DPP6: variants seen among roughly 807,000 people sequenced by gnomAD.
The protein encoded by DPP6 is A-type potassium channel modulatory protein DPP6.
In DPP6, 69 loss-of-function variants were observed where a neutral mutation model predicts 122.6. That is an observed-to-expected ratio of 0.56 (90% CI 0.46 to 0.69). DPP6 has a LOEUF of 0.69. DPP6 is among the 30% of genes least tolerant of loss of function. The pLI, the probability that DPP6 is intolerant of heterozygous loss-of-function variation, is 0.00. For synonymous variants in DPP6, 418 were observed against 433.1 expected (o/e 0.97, Z 0.43); for missense variants, 928 against 1,116.9 (o/e 0.83, Z 2.41).
At chr7:153,866,884 C>T in the DPP6 span, among the ~76,000 whole-genome samples, 3 of 152,002 alleles carry the variant, frequency 2.0e-5, no homozygotes, top group Non-Finnish European at 2.9e-5. Context: ...CCAGTTTTCC[C>T]AGCACCATTT....
At chr7:154,668,788 A>G (rs35921931) in intron 6 of DPP6, among the ~76,000 whole-genome samples, 50,959 of 151,952 alleles carry the variant, frequency 0.34, 9,128 homozygotes, top group East Asian at 0.44. Flanking sequence ...TTGTGGTGGT[A>G]TTGGTATTTA....
intron 17 of DPP6, among the ~76,000 whole-genome samples, chr7:154,859,421 G>A (rs1449059222): frequency 1.3e-5 from 2 of 152,214 alleles, no homozygotes; most frequent in South Asian, 2.1e-4. Context: ...GCAGAGCCTC[G>A]GCACTGTGCG....
At chr7:154,286,794 A>G (rs943837746) in intron 1 of DPP6, among the ~76,000 whole-genome samples, 6 of 146,792 alleles carry the variant, frequency 4.1e-5, no homozygotes, top group Non-Finnish European at 7.5e-5. Context: ...TCCCATGCCT[A>G]TGATTTCTTC....
intron 5 of DPP6, among the ~76,000 whole-genome samples, chr7:154,575,950 T>C (rs1486156458): frequency 1.3e-5 from 2 of 152,032 alleles, no homozygotes; most frequent in Non-Finnish European, 2.9e-5. Flanking sequence ...ATGTGAAATA[T>C]TTATTTGTCT....
At chr7:153,887,743 C>T (rs1284876003) in intron 1 of DPP6, 73 of 1,613,006 alleles carry the variant, frequency 4.5e-5, no homozygotes, top group Non-Finnish European at 5.9e-5. Flanking sequence ...TGGTGAGTGC[C>T]ACGGACAGGG....
chr7:154,396,706 G>A (rs974915963), intron 1 of DPP6, among the ~76,000 whole-genome samples: 1 of 152,242 alleles, frequency 6.6e-6, no homozygotes, highest in Non-Finnish European at 1.5e-5. Context: ...CACTTTGGGA[G>A]GCCAAGGTGG....
At chr7:153,882,404 G>A (rs1355158366), upstream of DPP6, among the ~76,000 whole-genome samples, 2 of 152,190 alleles carry the variant, frequency 1.3e-5, no homozygotes, top group Non-Finnish European at 2.9e-5. Context: ...GTTGCCTTAT[G>A]TTGGGGTTCC....
intron 1 of DPP6, among the ~76,000 whole-genome samples, chr7:154,180,177 G>A (rs912146723): frequency 2.0e-5 from 3 of 151,652 alleles, no homozygotes; most frequent in Non-Finnish European, 4.4e-5. Flanking sequence ...GTGAAACCTC[G>A]TCTCTACTAA....
At chr7:153,856,441 C>A in the DPP6 span, among the ~76,000 whole-genome samples, 29 of 152,286 alleles carry the variant, frequency 1.9e-4, no homozygotes, top group Middle Eastern at 3.4e-3. Flanking sequence ...TTCAGAGGTT[C>A]TTCCTCTGCC....
At chr7:153,755,627 T>C in the DPP6 span, among the ~76,000 whole-genome samples, 1 of 152,108 alleles carries the variant, frequency 6.6e-6, no homozygotes, top group Non-Finnish European at 1.5e-5. Flanking sequence ...CCTTCCCCCT[T>C]CTGGGGCATT....
intron 7 of DPP6, among the ~76,000 whole-genome samples, chr7:154,704,922 G>A (rs1840741512): frequency 6.6e-6 from 1 of 152,124 alleles, no homozygotes; most frequent in South Asian, 2.1e-4. Context: ...TTATCTTTGA[G>A]ATAGAGTCTT....
chr7:154,403,160 G>A lies in DPP6; in HGVS notation c.244-43054G>A, dbSNP rs367583103. ...TGTCTCTTTTCTTTGTGGTTCTAAC[G>A]TGTCACCCACGTTAGTTCCCTGGAC... is the stretch of plus-strand genomic sequence containing the variant. On this transcript the variant is annotated intron_variant, in intron 1 of 25. Transcript: ENST00000377770. The surrounding 1 kb of genome is among the most constrained non-coding windows in gnomAD (Gnocchi z 4.1). Among the ~76,000 whole-genome samples the A allele has an allele frequency of 1.3e-5, 2 of 152,194 alleles. No individual in the cohort carries two copies. The highest frequency in any genetic ancestry group is 6.5e-5 in the Admixed American group (1 of 15,278).
intron 2 of DPP6, among the ~76,000 whole-genome samples, chr7:154,455,431 G>A (rs75335744): frequency 0.05 from 7,563 of 152,196 alleles, 404 homozygotes; most frequent in African/African-American, 0.12. Context: ...CTTGAGGAAT[G>A]TGGTCTACAT....
intron 19 of DPP6, among the ~76,000 whole-genome samples, chr7:154,872,906 G>A (rs1338157293): frequency 2.0e-5 from 3 of 152,206 alleles, no homozygotes; most frequent in Non-Finnish European, 2.9e-5. Flanking sequence ...TGTACCCACC[G>A]CCTCTCCCCA....
At chr7:154,489,838 T>TTC (rs1824120546) in intron 3 of DPP6, among the ~76,000 whole-genome samples, 1 of 152,128 alleles carries the variant, frequency 6.6e-6, no homozygotes, top group African/African-American at 2.4e-5. Context: ...TCAGGTACCT[T>TTC]TCTCAAGGAT....
At chr7:153,814,015 TGTTTA>T in the DPP6 span, among the ~76,000 whole-genome samples, 6,843 of 152,146 alleles carry the variant, frequency 0.045, 531 homozygotes, top group African/African-American at 0.16. Context: ...GTGCAGAAGC[TGTTTA>T]GTTTAATTAG....
chr7:153,863,770 T>G, the DPP6 span, among the ~76,000 whole-genome samples: 12 of 152,146 alleles, frequency 7.9e-5, no homozygotes, highest in African/African-American at 2.9e-4. Context: ...CTGCTTCCTG[T>G]CTGTGTAGAT....
chr7:153,887,571 A>G (rs1047450000), exon 1 of DPP6: 1 of 1,323,440 alleles, frequency 7.6e-7, no homozygotes, highest in Non-Finnish European at 1.1e-6. Context: ...TTTTCCTTCA[A>G]AAACCCGTTT....
intron 1 of DPP6, among the ~76,000 whole-genome samples, chr7:154,404,332 G>T (rs985464570): frequency 6.6e-6 from 1 of 152,178 alleles, no homozygotes; most frequent in African/African-American, 2.4e-5. Flanking sequence ...AGGGACTATT[G>T]TGCTCAAAAG....
Sources: allele counts gnomAD v4.1 joint callset (sites outside exome capture counted in the v4.1 genomes callset), GRCh38; gene constraint gnomAD v4.1.1; non-coding constraint Gnocchi (gnomAD v3.1); transcripts MANE v1.5; gene names NCBI Gene and HGNC (gene_info 2026-07-23, HGNC 2026-07-21).